GSR: variants seen among roughly 807,000 people sequenced by gnomAD.
The protein encoded by GSR is glutathione-disulfide reductase.
GSR carries 48 observed loss-of-function variants against 56.5 expected under a neutral mutation model. The observed-to-expected ratio is 0.85, with a 90% confidence interval of 0.67 to 1.08. GSR has a LOEUF of 1.08. GSR is among the 50% of genes least tolerant of loss of function. The pLI is 0.00. For synonymous variants in GSR, 264 were observed against 270.8 expected, an observed-to-expected ratio of 0.97 and a Z score of 0.25; for missense variants, 694 against 703.3, an observed-to-expected ratio of 0.99 and a Z score of 0.15.
rs767650258 is a variant in GSR, at chr8:30,696,469, T to A, written c.706A>T (p.Ile236Phe). The change falls in exon 7 of 13, where the codon ATT becomes TTT. Residue 236 changes from isoleucine (I) to phenylalanine (F), a missense_variant. Transcript: ENST00000221130. The part of the protein sequence containing the change: ...QLEELPGRSV[I>F]VGAGYIAVEM... Reference sequence around the variant, plus strand: ...ACAGCAATGTAACCTGCACCAACAATGACGCTGCGGCTGAGACGCGAGCAG... The same window carrying A: ...ACAGCAATGTAACCTGCACCAACAAAGACGCTGCGGCTGAGACGCGAGCAG... 6.2e-7 allele frequency: 1 copy of A among 1,611,302 alleles called. No homozygotes were observed. The highest frequency in any genetic ancestry group is 1.1e-5 in the South Asian group (1 of 91,040).
intron 1 of GSR, among the ~76,000 whole-genome samples, chr8:30,715,122 T>TA (rs1394100616): frequency 1.3e-5 from 2 of 151,634 alleles, no homozygotes; most frequent in East Asian, 1.9e-4. Context: ...CCCATCTCTG[T>TA]AAAAAAATAA....
At chr8:30,698,013 G>T (rs1257813304) in intron 6 of GSR, among the ~76,000 whole-genome samples, 1 of 152,104 alleles carries the variant, frequency 6.6e-6, no homozygotes, top group Non-Finnish European at 1.5e-5. Flanking sequence ...TCTTTCAGGC[G>T]GCTGAATCCC....
At chr8:30,686,309 T>A (rs1803158712) in intron 9 of GSR, among the ~76,000 whole-genome samples, 1 of 152,098 alleles carries the variant, frequency 6.6e-6, no homozygotes, top group Non-Finnish European at 1.5e-5. Context: ...TAGCACATAG[T>A]AATCACTCAA....
chr8:30,703,323 C>T, intron 4 of GSR, 83 bp from the exon 5 acceptor site: 1 of 1,232,940 alleles, frequency 8.1e-7, no homozygotes, highest in African/African-American at 1.5e-5. Flanking sequence ...TTTCATTTCT[C>T]TACTGAACAT....
intron 4 of GSR, among the ~76,000 whole-genome samples, chr8:30,705,738 A>G (rs1803898019): frequency 6.6e-6 from 1 of 152,066 alleles, no homozygotes; most frequent in African/African-American, 2.4e-5. Context: ...ACTTCAAAAA[A>G]ATAAAAAATA....
intron 1 of GSR, among the ~76,000 whole-genome samples, chr8:30,725,642 G>A (rs1187967447): frequency 6.6e-6 from 1 of 151,998 alleles, no homozygotes; most frequent in African/African-American, 2.4e-5. Flanking sequence ...AGCACTTTGG[G>A]AGGCCAAGGT....
At chr8:30,704,099 C>A (rs1803841486) in intron 4 of GSR, among the ~76,000 whole-genome samples, 1 of 151,852 alleles carries the variant, frequency 6.6e-6, no homozygotes. Flanking sequence ...CCGAGGCAGG[C>A]AGATCACCTG....
intron 1 of GSR, among the ~76,000 whole-genome samples, chr8:30,725,011 A>T (rs1277830163): frequency 6.6e-6 from 1 of 152,198 alleles, no homozygotes; most frequent in Non-Finnish European, 1.5e-5. Context: ...CCCAAGCTGA[A>T]CTTTCCTTCT....
chr8:30,696,404 T>G lies in GSR; in HGVS notation c.771A>C (p.Thr257=), dbSNP rs768087560. 6.2e-6 allele frequency: 10 copies of G among 1,607,426 alleles called. No individual in the cohort carries two copies. In the East Asian group the frequency reaches 2.2e-4, roughly 36 times the overall value. ...AGILSALGSK[T]SLMIRHDKVL... ...CCTTATCATGCCGTATCATCAGTGA[T>G]GTCTTAGAACCCAGGGCTGACAGGA... The change falls in exon 7 of 13, where the codon ACA becomes ACC. Residue 257 remains threonine, a synonymous_variant. Transcript: ENST00000221130.
In GSR at chr8:30,703,131, C is replaced by G; in HGVS notation, c.602G>C (p.Gly201Ala). Reference sequence around the variant, plus strand: ...CTCATGAGGGGTGGAGGGCATACCACCTGTGGCGATCAGGATGTGTGGGGC... The same window carrying G: ...CTCATGAGGGGTGGAGGGCATACCAGCTGTGGCGATCAGGATGTGTGGGGC... ...YTAPHILIAT[G>A]GMPSTPHESQ... Residue 201 changes from glycine (G) to alanine (A), a missense_variant, in exon 5 of 13, where the codon GGT becomes GCT. Coordinates refer to ENST00000221130, the MANE Select transcript of GSR (RefSeq NM_000637.5). The G allele has an allele frequency of 6.2e-7, 1 of 1,614,118 alleles. No individual in the cohort carries two copies. The highest frequency in any genetic ancestry group is 8.5e-7 in the Non-Finnish European group (1 of 1,180,010).
intron 1 of GSR, among the ~76,000 whole-genome samples, chr8:30,713,704 A>G (rs1298416552): frequency 6.6e-6 from 1 of 152,212 alleles, no homozygotes; most frequent in Admixed American, 6.5e-5. Flanking sequence ...AATTTAAATA[A>G]TGAAATATTT....
intron 1 of GSR, among the ~76,000 whole-genome samples, chr8:30,719,928 G>C (rs2551702): frequency 0.89 from 134,888 of 152,030 alleles, 60,257 homozygotes; most frequent in Non-Finnish European, 0.94. Context: ...TAGTGAACTT[G>C]CGGCTGGGTG....
At chr8:30,714,462 A>G (rs1804259523) in intron 1 of GSR, among the ~76,000 whole-genome samples, 2 of 151,692 alleles carry the variant, frequency 1.3e-5, no homozygotes. Context: ...TGGCATCCCA[A>G]AGTGCTGGGA....
At chr8:30,687,314 G>T (rs1355579727) in intron 9 of GSR, among the ~76,000 whole-genome samples, 3 of 152,090 alleles carry the variant, frequency 2.0e-5, no homozygotes, top group Non-Finnish European at 4.4e-5. Context: ...TAGAACATAA[G>T]TCAAAAGGTA....
intron 1 of GSR, among the ~76,000 whole-genome samples, chr8:30,722,731 CAAA>C (rs200083922): frequency 2.7e-5 from 3 of 112,726 alleles, no homozygotes; most frequent in African/African-American, 8.3e-5. Context: ...GACCCTGTCT[CAAA>C]AAAAAAAAAA....
chr8:30,717,724 C>T (rs558485369), intron 1 of GSR, among the ~76,000 whole-genome samples: 1 of 152,058 alleles, frequency 6.6e-6, no homozygotes, highest in Non-Finnish European at 1.5e-5. Context: ...CTCAGGGCTC[C>T]GTCGGAGTCT....
intron 9 of GSR, among the ~76,000 whole-genome samples, chr8:30,687,091 C>A (rs1468906076): frequency 6.6e-6 from 1 of 151,868 alleles, no homozygotes; most frequent in East Asian, 1.9e-4. Flanking sequence ...CCCGCCTCAG[C>A]CTCCCAAAGA....
chr8:30,707,339 C>T (rs537952441), intron 4 of GSR, among the ~76,000 whole-genome samples: 2 of 152,220 alleles, frequency 1.3e-5, no homozygotes, highest in African/African-American at 4.8e-5. Context: ...AAGAGACTGG[C>T]CATCTAGGTC....
chr8:30,708,495 T>G (rs190547391), intron 3 of GSR, among the ~76,000 whole-genome samples: 1 of 152,220 alleles, frequency 6.6e-6, no homozygotes, highest in Non-Finnish European at 1.5e-5. Context: ...TTCAAAACTG[T>G]TAATGGCTTC....
Sources: allele counts gnomAD v4.1 joint callset (sites outside exome capture counted in the v4.1 genomes callset), GRCh38; gene constraint gnomAD v4.1.1; transcripts MANE v1.5; gene names NCBI Gene and HGNC (gene_info 2026-07-23, HGNC 2026-07-21).